C8orf34: variants seen among roughly 807,000 people sequenced by gnomAD.
C8orf34 encodes the protein chromosome 8 open reading frame 34, also known as uncharacterized protein C8orf34.
A neutral mutation model predicts 68.3 loss-of-function variants in C8orf34; 65 were observed. That is an observed-to-expected ratio of 0.95 (90% confidence interval 0.78 to 1.17). C8orf34 has a LOEUF of 1.17. C8orf34 is among the 50% of genes most tolerant of loss of function. The pLI is 0.00. For synonymous variants in C8orf34, 244 were observed against 241.2 expected (o/e 1.01, Z -0.11); for missense variants, 664 against 655.4 (o/e 1.01, Z -0.14).
rs554017643 is a variant in C8orf34 at position 68,408,014 on chromosome 8, G to C, written c.328-31485G>C. The stretch of plus-strand genomic sequence containing the variant: ...ACAGGTCCATGACCTGTTAGGAACC[G>C]GGCTGCACAGCAGGAGGTGAGTGGT... On this transcript the variant is annotated intron_variant, in intron 1 of 13. Transcript: ENST00000518698. Among the ~76,000 whole-genome samples the C allele has an allele frequency of 3.8e-4, 58 of 152,100 alleles. No homozygotes were observed. The East Asian group carries it at 0.01, about 27-fold the overall frequency.
At chr8:68,670,217 G>C (rs975032392) in intron 8 of C8orf34, among the ~76,000 whole-genome samples, 18 of 152,090 alleles carry the variant, frequency 1.2e-4, no homozygotes, top group African/African-American at 4.1e-4. Context: ...AAACAAGAAG[G>C]CCTCAGAAGT....
chr8:68,763,128 A>C (rs561492217), intron 10 of C8orf34, among the ~76,000 whole-genome samples: 1 of 152,276 alleles, frequency 6.6e-6, no homozygotes, highest in Admixed American at 6.5e-5. Flanking sequence ...TTTTCAGTTC[A>C]TGCTACAATA....
chr8:68,527,436 G>A (rs1344627322), intron 6 of C8orf34, among the ~76,000 whole-genome samples: 4 of 152,150 alleles, frequency 2.6e-5, no homozygotes, highest in Admixed American at 2.0e-4. Context: ...GCCGGGCGTG[G>A]TGGTGGGCGC....
At chr8:68,331,560 G>A (rs1475400681) in intron 1 of C8orf34, 1 of 591,490 alleles carries the variant, frequency 1.7e-6, no homozygotes, top group African/African-American at 1.8e-5. Context: ...ACGCGGACAG[G>A]TGAGCTCGGG....
chr8:68,434,412 T>C (rs1810572052), intron 1 of C8orf34, among the ~76,000 whole-genome samples: 2 of 152,168 alleles, frequency 1.3e-5, no homozygotes, highest in South Asian at 4.1e-4. Context: ...TTTGGTTTTC[T>C]GTTCCTGTGT....
chr8:68,368,909 A>C (rs1018223184), intron 1 of C8orf34, among the ~76,000 whole-genome samples: 4 of 152,126 alleles, frequency 2.6e-5, no homozygotes, highest in African/African-American at 9.7e-5. Context: ...GGAGGGTTCA[A>C]ACTCAATTCT....
intron 8 of C8orf34, among the ~76,000 whole-genome samples, chr8:68,660,051 A>C (rs1585687348): frequency 6.6e-6 from 1 of 152,296 alleles, no homozygotes; most frequent in East Asian, 1.9e-4. Flanking sequence ...ATGCAGTTTA[A>C]GTTTTGGGGA....
chr8:68,586,643 C>T (rs149570427), intron 7 of C8orf34, among the ~76,000 whole-genome samples: 1 of 152,228 alleles, frequency 6.6e-6, no homozygotes, highest in Admixed American at 6.5e-5. Context: ...TGAAATGTGA[C>T]TATAAGATAC....
Position 68,733,236 on chromosome 8 carries a change from TGCAA to T in C8orf34, c.1404+11803_1404+11806del, listed in dbSNP as rs372948913. 3.9e-3 allele frequency among the ~76,000 whole-genome samples: 593 copies of T among 152,332 alleles called. 3 individuals are homozygous for T. The highest frequency in any genetic ancestry group is 0.013 in the African/African-American group (533 of 41,576). On this transcript the variant is annotated intron_variant, in intron 10 of 13. Coordinates refer to ENST00000518698, the MANE Select transcript of C8orf34 (RefSeq NM_052958.4). ...CATTGTACAAACATCCCATTTTGTT[TGCAA>T]GCAGATTGTAATTATTAACCAACTT...
chr8:68,661,204 A>T (rs897069408), intron 8 of C8orf34, among the ~76,000 whole-genome samples: 3 of 152,218 alleles, frequency 2.0e-5, no homozygotes, highest in African/African-American at 7.2e-5. Context: ...CATGTAGCAG[A>T]CATGGGGAGC....
intron 10 of C8orf34, among the ~76,000 whole-genome samples, chr8:68,770,634 T>C (rs1481655322): frequency 6.6e-6 from 1 of 152,228 alleles, no homozygotes; most frequent in African/African-American, 2.4e-5. Context: ...TTCCTGGCTT[T>C]GCCCTCTCAC....
chr8:68,389,169 C>A (rs1287329924), intron 1 of C8orf34, among the ~76,000 whole-genome samples: 1 of 152,078 alleles, frequency 6.6e-6, no homozygotes, highest in Non-Finnish European at 1.5e-5. Context: ...GAATAGTGAG[C>A]AAAATATTGT....
intron 1 of C8orf34, among the ~76,000 whole-genome samples, chr8:68,437,362 G>A (rs1410873144): frequency 6.6e-6 from 1 of 152,104 alleles, no homozygotes; most frequent in East Asian, 1.9e-4. Flanking sequence ...GGATAGAAAT[G>A]GCTGTGGCTT....
chr8:68,699,708 C>G (rs1052267331), intron 8 of C8orf34, among the ~76,000 whole-genome samples: 3 of 152,072 alleles, frequency 2.0e-5, no homozygotes, highest in African/African-American at 7.2e-5. Context: ...TATCTATTCT[C>G]CAAGTGTTCT....
chr8:68,670,469 G>C (rs1819974155), intron 8 of C8orf34, among the ~76,000 whole-genome samples: 1 of 152,096 alleles, frequency 6.6e-6, no homozygotes, highest in Admixed American at 6.5e-5. Context: ...CTATTCTTTT[G>C]AGGGCAACTT....
chr8:68,418,542 G>A (rs1045032585), intron 1 of C8orf34, among the ~76,000 whole-genome samples: 46 of 152,060 alleles, frequency 3.0e-4, no homozygotes, highest in Non-Finnish European at 5.4e-4. Context: ...TTCTGCATCT[G>A]TTGAGATAAT....
chr8:68,806,780 C>T (rs998304735), intron 12 of C8orf34, among the ~76,000 whole-genome samples: 1 of 152,168 alleles, frequency 6.6e-6, no homozygotes, highest in Non-Finnish European at 1.5e-5. Context: ...CTTTTCCATT[C>T]AGCTATTGCT....
intron 8 of C8orf34, among the ~76,000 whole-genome samples, chr8:68,650,316 G>C (rs1225795830): frequency 3.3e-5 from 5 of 151,966 alleles, no homozygotes; most frequent in Non-Finnish European, 5.9e-5. Context: ...GTCCAGAGAG[G>C]GGTCCTGGAG....
At chr8:68,726,017 T>A (rs1821819203) in intron 10 of C8orf34, among the ~76,000 whole-genome samples, 1 of 152,170 alleles carries the variant, frequency 6.6e-6, no homozygotes, top group Non-Finnish European at 1.5e-5. Context: ...CAAGCAATTC[T>A]CATGGCTCTG....
Sources: gnomAD v4.1 joint callset for allele counts (sites outside exome capture counted in the v4.1 genomes callset) on GRCh38, gnomAD v4.1.1 for gene constraint, MANE v1.5 for transcripts, NCBI Gene and HGNC (gene_info 2026-07-23, HGNC 2026-07-21) for gene names.